Variants in RUVBL2 observed in about 807,000 individuals in gnomAD.
The protein encoded by RUVBL2 is ruvB-like 2.
RUVBL2 carries 9 observed loss-of-function variants against 57.9 expected under a neutral mutation model. The observed-to-expected ratio is 0.16, with a 90% CI of 0.09 to 0.27. The LOEUF (loss-of-function observed/expected upper bound fraction) is 0.27. Ranked by LOEUF, RUVBL2 falls within the 10% of genes least tolerant of loss-of-function variation. The probability of loss-of-function intolerance (pLI) is 1.00; values close to 1 mark genes in which losing one functional copy is unlikely to be tolerated. For synonymous variants in RUVBL2, 278 were observed against 264.6 expected, an observed-to-expected ratio of 1.05 and a Z score of -0.49; for missense variants, 456 against 669.6, an observed-to-expected ratio of 0.68 and a Z score of 3.52.
intron 11 of RUVBL2, among the ~76,000 whole-genome samples, chr19:49,013,871 G>A (rs1057033640): frequency 1.3e-5 from 2 of 152,206 alleles, no homozygotes; most frequent in Admixed American, 1.3e-4. Context: ...CCGAGATCGC[G>A]CCACTGCACT....
chr19:49,013,481 G>A (rs1244217901), intron 11 of RUVBL2, among the ~76,000 whole-genome samples: 2 of 152,010 alleles, frequency 1.3e-5, no homozygotes, highest in Non-Finnish European at 2.9e-5. Flanking sequence ...TATCCTAAGT[G>A]CAAGGAGGCT....
At chr19:48,996,971 T>C (rs1324200249) in intron 1 of RUVBL2, among the ~76,000 whole-genome samples, 1 of 152,036 alleles carries the variant, frequency 6.6e-6, no homozygotes, top group Non-Finnish European at 1.5e-5. Context: ...CCTGTTGTTT[T>C]TTTTTTTTCT....
At chr19:48,993,723 G>A (rs2038992028), upstream of RUVBL2, 3 of 695,484 alleles carry the variant, frequency 4.3e-6, no homozygotes, top group East Asian at 2.7e-5. Context: ...CAGGAGTTCC[G>A]GACGCCCGTC....
chr19:48,995,241 T>C (rs1478639970), intron 1 of RUVBL2, among the ~76,000 whole-genome samples: 1 of 151,874 alleles, frequency 6.6e-6, no homozygotes, highest in African/African-American at 2.4e-5. Context: ...AGACTTATGA[T>C]GAAAGAGAAA....
intron 6 of RUVBL2, among the ~76,000 whole-genome samples, chr19:49,009,486 CA>C (rs960951097): frequency 3.3e-4 from 46 of 141,218 alleles, no homozygotes; most frequent in African/African-American, 4.7e-4. Flanking sequence ...GACTCCGTCT[CA>C]AAAAAAAAAA....
At position 49,010,482 on chromosome 19, in the gene RUVBL2, C is replaced by CCCCCCACCCA; in HGVS notation, c.664-5_664-4insCCCCACCCAC. 2.5e-6 allele frequency: 4 copies of CCCCCCACCCA among 1,605,444 alleles called. No individual in the cohort carries two copies. Among genetic ancestry groups the CCCCCCACCCA allele is most frequent in the South Asian group, 1.1e-5 (1 of 90,834 alleles). On this transcript the variant is annotated splice_polypyrimidine_tract_variant and splice_region_variant and intron_variant, in intron 8 of 14. Transcript: ENST00000595090. The stretch of plus-strand genomic sequence containing the variant: ...CCGCCGTTCTTCCCCCACCCCCGCC[C>CCCCCCACCCA]CATAGACCAAGTTCGTGCAGTGCCC...
chr19:49,002,896 T>C (rs904469099), intron 2 of RUVBL2, among the ~76,000 whole-genome samples: 1 of 152,224 alleles, frequency 6.6e-6, no homozygotes, highest in South Asian at 2.1e-4. Context: ...CAGCCAGGGC[T>C]CTTTTTTTGC....
intron 8 of RUVBL2, 171 bp downstream of exon 8, chr19:49,010,237 A>G: frequency 5.4e-6 from 4 of 738,058 alleles, no homozygotes; most frequent in Non-Finnish European, 9.0e-6. Context: ...TCAGCCTGGC[A>G]CTATAGCTTC....
At chr19:49,003,575 C>T (rs2039225238) in intron 3 of RUVBL2, among the ~76,000 whole-genome samples, 1 of 152,070 alleles carries the variant, frequency 6.6e-6, no homozygotes. Context: ...CACCTGAAGT[C>T]AGAGTCAAGA....
At chr19:49,010,275 T>C in intron 8 of RUVBL2, 7 of 690,838 alleles carry the variant, frequency 1.0e-5, no homozygotes, top group African/African-American at 1.8e-5. Context: ...CTGTGGCTTC[T>C]AAGGTCCTCC....
chr19:49,001,080 G>C (rs2039169259), intron 2 of RUVBL2, among the ~76,000 whole-genome samples: 1 of 152,046 alleles, frequency 6.6e-6, no homozygotes. Flanking sequence ...AGGAGGTTCA[G>C]GATGTGGTGA....
At chr19:49,010,102 G>A in intron 8 of RUVBL2, 36 bp downstream of exon 8, 1 of 1,580,956 alleles carries the variant, frequency 6.3e-7, no homozygotes. Context: ...CTCGCCCCCA[G>A]CACTGGGGTG....
At chr19:49,007,486 G>C (rs915742978) in intron 6 of RUVBL2, 118 bp downstream of exon 6, 2 of 894,534 alleles carry the variant, frequency 2.2e-6, no homozygotes, top group Admixed American at 2.6e-5. Flanking sequence ...CTGCAGACTA[G>C]AGCCATGTAC....
intron 1 of RUVBL2, 154 bp downstream of exon 1, chr19:48,994,077 A>T (rs1420229508): frequency 2.8e-4 from 73 of 262,606 alleles, no homozygotes; most frequent in East Asian, 1.3e-3. Flanking sequence ...GGCCACCCAG[A>T]TCTGGGGGAG....
intron 12 of RUVBL2, 141 bp from the exon 13 acceptor site, chr19:49,014,880 C>G (rs2039512756): frequency 1.6e-6 from 2 of 1,278,810 alleles, no homozygotes; most frequent in African/African-American, 3.0e-5. Flanking sequence ...CGTGGCTCTT[C>G]TAGCCTCAGC....
intron 11 of RUVBL2, among the ~76,000 whole-genome samples, chr19:49,013,021 T>G (rs993118945): frequency 2.6e-5 from 4 of 152,154 alleles, no homozygotes; most frequent in Non-Finnish European, 4.4e-5. Context: ...TGGAGTGCAG[T>G]GGCACGATCT....
intron 4 of RUVBL2, among the ~76,000 whole-genome samples, chr19:49,005,986 G>A (rs768079501): frequency 2.1e-4 from 32 of 152,262 alleles, no homozygotes; most frequent in Non-Finnish European, 4.4e-4. Flanking sequence ...TCCTCTTCTT[G>A]TGTCTCCCGC....
intron 1 of RUVBL2, among the ~76,000 whole-genome samples, chr19:48,998,900 C>T (rs1038788489): frequency 7.3e-5 from 11 of 150,834 alleles, no homozygotes; most frequent in African/African-American, 2.7e-4. Flanking sequence ...TGTTGATGCG[C>T]GCCTGTAATC....
chr19:49,012,113 C>T (rs902533102), intron 11 of RUVBL2, among the ~76,000 whole-genome samples: 8 of 152,154 alleles, frequency 5.3e-5, no homozygotes, highest in Non-Finnish European at 1.2e-4. Context: ...CCCGGCACTG[C>T]TTGGGCTCAG....
Sources: allele counts gnomAD v4.1 joint callset (sites outside exome capture counted in the v4.1 genomes callset), GRCh38; gene constraint gnomAD v4.1.1; transcripts MANE v1.5; gene names NCBI Gene and HGNC (gene_info 2026-07-23, HGNC 2026-07-21).